FBXL20: variants seen among roughly 807,000 people sequenced by gnomAD.
FBXL20 encodes F-box and leucine rich repeat protein 20, also known as F-box/LRR-repeat protein 20.
A neutral mutation model predicts 64.0 loss-of-function variants in FBXL20; 11 were observed. That is an observed-to-expected ratio of 0.17 (90% CI 0.11 to 0.28). The LOEUF is 0.28. Ranked by LOEUF, FBXL20 falls within the 10% of genes least tolerant of loss-of-function variation. The pLI is 1.00. For synonymous variants in FBXL20, 184 were observed against 189.0 expected (o/e 0.97, Z 0.22); for missense variants, 303 against 526.2 (o/e 0.58, Z 4.15).
intron 6 of FBXL20, among the ~76,000 whole-genome samples, chr17:39,295,400 G>A (rs928663760): frequency 2.4e-4 from 37 of 152,012 alleles, no homozygotes; most frequent in African/African-American, 8.0e-4. Flanking sequence ...CCAAGTAGCT[G>A]GGATGTGCCA....
intron 5 of FBXL20, among the ~76,000 whole-genome samples, chr17:39,298,782 G>C (rs901736748): frequency 1.3e-5 from 2 of 152,056 alleles, no homozygotes; most frequent in African/African-American, 4.8e-5. Flanking sequence ...AACCACTTAT[G>C]ATGGGGAATC....
chr17:39,341,832 A>G (rs973543748), intron 2 of FBXL20, among the ~76,000 whole-genome samples: 4 of 152,218 alleles, frequency 2.6e-5, no homozygotes, highest in African/African-American at 7.2e-5. Context: ...GTTTCTCCTC[A>G]TCGAACTTCA....
At chr17:39,294,482 TGTTGCCGAG>T (rs748269779) in intron 6 of FBXL20, among the ~76,000 whole-genome samples, 3 of 151,628 alleles carry the variant, frequency 2.0e-5, no homozygotes, top group Non-Finnish European at 2.9e-5. Flanking sequence ...GGGTTTCTCA[TGTTGCCGAG>T]GTTGGGCTAA....
At position 39,300,992 on chromosome 17, in the gene FBXL20, TA is replaced by T. The variant is rs1567870183; in HGVS notation, c.234+8del. ...ATGAAAACTGGGGCCACACACCACA[TA>T]ATTATACCTCAATATCCCTCTGGAA... is the stretch of plus-strand genomic sequence containing the variant. On this transcript the variant is annotated splice_region_variant and intron_variant, in intron 4 of 14. Transcript: ENST00000264658. 1 of 1,613,626 alleles carries T rather than the reference TA, an allele frequency of 6.2e-7. No individual in the cohort carries two copies. The highest frequency in any genetic ancestry group is 8.5e-7 in the Non-Finnish European group (1 of 1,179,738).
intron 6 of FBXL20, among the ~76,000 whole-genome samples, chr17:39,289,455 G>A (rs2047017645): frequency 6.6e-6 from 1 of 150,760 alleles, no homozygotes; most frequent in African/African-American, 2.4e-5. Context: ...CCCAGAGTTT[G>A]AGACCACCTT....
chr17:39,290,153 T>C (rs1330235202), intron 6 of FBXL20, among the ~76,000 whole-genome samples: 2 of 152,144 alleles, frequency 1.3e-5, no homozygotes, highest in Non-Finnish European at 2.9e-5. Flanking sequence ...TTTAAGTTTA[T>C]CCTTATATTT....
At position 39,291,494 on chromosome 17, in the gene FBXL20, C is replaced by T. The variant is rs376353458; in HGVS notation, c.398+5633G>A. 3.1e-4 allele frequency among the ~76,000 whole-genome samples: 44 copies of T among 139,882 alleles called. 1 individual carries two copies. In the South Asian group the frequency reaches 9.6e-3, roughly 30 times the overall value. 91.8% of individuals were successfully genotyped at this position (139,882 alleles called of 152,430 possible). Reference sequence around the variant, plus strand: ...TGTCACCCAGGGTGGAGTACAGTGGCACAATCTCAGCTCACTGCAACCTCT... The same window carrying T: ...TGTCACCCAGGGTGGAGTACAGTGGTACAATCTCAGCTCACTGCAACCTCT... On this transcript the variant is annotated intron_variant, in intron 6 of 14. Transcript: ENST00000264658.
intron 1 of FBXL20, among the ~76,000 whole-genome samples, chr17:39,375,988 G>C (rs1311839082): frequency 6.6e-6 from 1 of 152,020 alleles, no homozygotes; most frequent in South Asian, 2.1e-4. Context: ...GCATGGTGGC[G>C]GGCACCTGTA....
intron 13 of FBXL20, 26 bp downstream of exon 13, chr17:39,265,371 C>A (rs773158829): frequency 1.3e-6 from 2 of 1,581,942 alleles, no homozygotes; most frequent in Admixed American, 1.7e-5. Context: ...CCAGTAAACA[C>A]ATAAAGTTTT....
chr17:39,300,488 C>T (rs2047124066), intron 4 of FBXL20, among the ~76,000 whole-genome samples: 1 of 152,102 alleles, frequency 6.6e-6, no homozygotes, highest in African/African-American at 2.4e-5. Context: ...GGAGATAAAA[C>T]ATGGGGCAAA....
Position 39,288,168 on chromosome 17 carries a change from A to G in FBXL20, c.399-2595T>C, listed in dbSNP as rs145906223. Among the ~76,000 whole-genome samples the G allele has an allele frequency of 8.7e-3, 1,316 of 151,788 alleles. 17 individuals carry two copies. Among genetic ancestry groups the G allele is most frequent in the African/African-American group, 0.03 (1,241 of 41,406 alleles). On this transcript the variant is annotated intron_variant, in intron 6 of 14. Coordinates refer to ENST00000264658, the MANE Select transcript of FBXL20 (RefSeq NM_032875.3). ...TTTTAGTAGAGACGGGGTTTCACCA[A>G]GTTAGTCAGGCTGGTCTCAAACTCC...
chr17:39,369,147 A>G (rs2047890156), intron 1 of FBXL20, among the ~76,000 whole-genome samples: 1 of 152,060 alleles, frequency 6.6e-6, no homozygotes, highest in Non-Finnish European at 1.5e-5. Context: ...CAATAGTTTT[A>G]GAAGTACTGG....
chr17:39,340,457 T>C (rs1432338491), intron 2 of FBXL20, among the ~76,000 whole-genome samples: 1 of 152,142 alleles, frequency 6.6e-6, no homozygotes, highest in African/African-American at 2.4e-5. Flanking sequence ...CTCCAACTCC[T>C]GACCTCAAGT....
At chr17:39,382,606 G>C (rs1241570260) in intron 1 of FBXL20, among the ~76,000 whole-genome samples, 1 of 152,166 alleles carries the variant, frequency 6.6e-6, no homozygotes, top group African/African-American at 2.4e-5. Flanking sequence ...GCTGATGTGG[G>C]AGGATCACTT....
intron 2 of FBXL20, among the ~76,000 whole-genome samples, chr17:39,341,787 C>T (rs1376839271): frequency 6.6e-6 from 1 of 152,194 alleles, no homozygotes; most frequent in Non-Finnish European, 1.5e-5. Context: ...AGATTTACGA[C>T]TTGTTTGTGA....
At chr17:39,267,494 C>T (rs2046802579) in intron 12 of FBXL20, among the ~76,000 whole-genome samples, 1 of 152,070 alleles carries the variant, frequency 6.6e-6, no homozygotes, top group Non-Finnish European at 1.5e-5. Flanking sequence ...GAAGATAGTG[C>T]AGTGCTCTAT....
chr17:39,261,830 C>T (rs2046748650), intron 14 of FBXL20, among the ~76,000 whole-genome samples: 1 of 152,050 alleles, frequency 6.6e-6, no homozygotes, highest in South Asian at 2.1e-4. Context: ...CGCCTGTAAT[C>T]CCTGCACTTT....
chr17:39,261,200 C>A lies in FBXL20; in HGVS notation c.*260G>T. Reference sequence around the variant, plus strand: ...GCCTATGATTTTCTTATGGGCACCTCAACAGGAATGGTTAAATTTTACCAA... The same window carrying A: ...GCCTATGATTTTCTTATGGGCACCTAAACAGGAATGGTTAAATTTTACCAA... On this transcript the variant is annotated 3_prime_UTR_variant, in exon 15 of 15. Coordinates refer to ENST00000264658, the MANE Select transcript of FBXL20 (RefSeq NM_032875.3). 2 of 388,512 alleles carry A rather than the reference C, an allele frequency of 5.1e-6. No homozygotes were observed. Among genetic ancestry groups the A allele is most frequent in the Non-Finnish European group, 9.6e-6 (2 of 209,340 alleles). 24.1% of individuals were successfully genotyped at this position (388,512 alleles called of 1,614,324 possible). A position where few individuals can be genotyped will look rare whatever the true frequency, so the allele number is the denominator to read the frequency against.
intron 13 of FBXL20, 26 bp downstream of exon 13, chr17:39,265,371 C>T (rs773158829): frequency 6.3e-7 from 1 of 1,581,824 alleles, no homozygotes; most frequent in Non-Finnish European, 8.7e-7. Flanking sequence ...CCAGTAAACA[C>T]ATAAAGTTTT....
Sources: gnomAD v4.1 joint callset for allele counts (sites outside exome capture counted in the v4.1 genomes callset) on GRCh38, gnomAD v4.1.1 for gene constraint, MANE v1.5 for transcripts, NCBI Gene and HGNC (gene_info 2026-07-23, HGNC 2026-07-21) for gene names.